SETDB1: variants seen among roughly 807,000 people sequenced by gnomAD.
SETDB1 encodes the protein histone-lysine N-methyltransferase SETDB1.
In SETDB1, 31 loss-of-function variants were observed where a neutral mutation model predicts 137.4. The ratio of observed to expected loss-of-function variants is 0.23; its 90% CI spans 0.17 to 0.30. The LOEUF (loss-of-function observed/expected upper bound fraction) is 0.30, where lower values mean the gene tolerates loss of function less well. Among genes scored for constraint, SETDB1 ranks in the 10% least tolerant of loss-of-function variants. The probability of loss-of-function intolerance (pLI) is 1.00; values close to 1 mark genes in which losing one functional copy is unlikely to be tolerated. For synonymous variants in SETDB1, 548 were observed against 579.9 expected, an observed-to-expected ratio of 0.95 and a Z score of 0.79; for missense variants, 1,113 against 1,631.5, an observed-to-expected ratio of 0.68 and a Z score of 5.47.
chr1:150,943,154 G>A, intron 7 of SETDB1, 101 bp downstream of exon 7: 1 of 784,892 alleles, frequency 1.3e-6, no homozygotes, highest in South Asian at 1.6e-5. Context: ...TGTCTTCTTA[G>A]TCCCCAGTGG....
chr1:150,941,032 G>A (rs907515170), intron 4 of SETDB1, among the ~76,000 whole-genome samples: 7 of 151,130 alleles, frequency 4.6e-5, no homozygotes, highest in African/African-American at 1.7e-4. Flanking sequence ...GCATGGTGGC[G>A]CATGCTTGTA....
chr1:150,958,656 A>C (rs1670729171), intron 14 of SETDB1, among the ~76,000 whole-genome samples: 1 of 152,160 alleles, frequency 6.6e-6, no homozygotes. Flanking sequence ...AACATTAGTC[A>C]CAGTTCCTCC....
rs779428891 is a variant in SETDB1, at chr1:150,963,546, A to G, written c.3477A>G (p.Gln1159=). 6 of 1,613,058 alleles carry G rather than the reference A, an allele frequency of 3.7e-6. No homozygotes were observed. Among genetic ancestry groups the G allele is most frequent in the African/African-American group, 2.7e-5 (2 of 74,912 alleles). ...CCTGTCCAGGTCCAATGAAGCGTCA[A>G]GTGGCAGTAAAATCAACCCGAGGCT... is the stretch of plus-strand genomic sequence containing the variant. ...KKNMTGPMKR[Q]VAVKSTRGFA... Residue 1159 remains glutamine, a synonymous_variant, in exon 20 of 22, where the codon CAA becomes CAG. Transcript: ENST00000692827.
intron 14 of SETDB1, among the ~76,000 whole-genome samples, chr1:150,952,756 G>A (rs998096931): frequency 2.0e-5 from 3 of 151,736 alleles, no homozygotes; most frequent in African/African-American, 4.8e-5. Context: ...GCATGGTGGC[G>A]CATGCCTGTA....
chr1:150,959,377 T>C, intron 15 of SETDB1, 30 bp downstream of exon 15: 3 of 1,561,344 alleles, frequency 1.9e-6, no homozygotes, highest in Non-Finnish European at 2.6e-6. Context: ...GGTTGTTTCC[T>C]GAGACTGGGA....
rs1670433898 is a variant in SETDB1 at position 150,949,456 on chromosome 1, C to G, written c.1514C>G (p.Ser505Cys). The stretch of plus-strand genomic sequence containing the variant: ...CCAGGATCTGTGGGCTCTGGTCATT[C>G]CTCCCCTACATCTCCTGCACTCAGT... ...FRPGSVGSGH[S>C]SPTSPALSEN... Residue 505 changes from serine to cysteine, a missense_variant, in exon 12 of 22, where the codon TCC becomes TGC. Ser to Cys is a moderately radical substitution (Grantham distance 112). Transcript: ENST00000692827. 6.2e-7 allele frequency: 1 copy of G among 1,614,098 alleles called. No homozygotes were observed. The highest frequency in any genetic ancestry group is 8.5e-7 in the Non-Finnish European group (1 of 1,179,974).
chr1:150,961,133 C>T lies in SETDB1; in HGVS notation c.3074C>T (p.Ala1025Val), dbSNP rs767282393. Residue 1025 changes from alanine (A) to valine (V), a missense_variant, in exon 16 of 22, where the codon GCC becomes GTC. Transcript: ENST00000692827. ...GGAAGCCGAATGGAGGCTGAGAAGG[C>T]CTCCACCTCAGGACTAGGCATCAAG... ...AGGSRMEAEK[A>V]STSGLGIKDE... 1.2e-5 allele frequency: 19 copies of T among 1,613,908 alleles called. No homozygotes were observed. The highest frequency in any genetic ancestry group is 1.5e-5 in the Non-Finnish European group (18 of 1,180,002).
intron 3 of SETDB1, among the ~76,000 whole-genome samples, chr1:150,933,929 A>G (rs1282726950): frequency 6.6e-6 from 1 of 151,122 alleles, no homozygotes; most frequent in African/African-American, 2.4e-5. Flanking sequence ...GATTACAGGC[A>G]TGCACCACCA....
intron 17 of SETDB1, 94 bp downstream of exon 17, chr1:150,962,252 T>C: frequency 1.8e-6 from 2 of 1,112,038 alleles, no homozygotes; most frequent in Non-Finnish European, 2.7e-6. Context: ...CATTGCAACC[T>C]CCCCCTCCCA....
chr1:150,961,206 A>G lies in SETDB1; in HGVS notation c.3132+15A>G, dbSNP rs1203051994. ...CCAAGAAAGAGGTAAGCAGTGGCAG[A>G]ACACTCTGAGAGCTATGGCTTTAAC... is the stretch of plus-strand genomic sequence containing the variant. On this transcript the variant is annotated intron_variant, in intron 16 of 21. Transcript: ENST00000692827. 6.2e-7 allele frequency: 1 copy of G among 1,611,198 alleles called. No individual in the cohort carries two copies. Among genetic ancestry groups the G allele is most frequent in the Admixed American group, 1.7e-5 (1 of 59,726 alleles).
At position 150,950,620 on chromosome 1, in the gene SETDB1, C is replaced by T. The variant is rs752420261; in HGVS notation, c.1746C>T (p.Thr582=). ...LFYLPHVCSY[T]CLSRVRPMRN... ...ACTTACCTCATGTCTGCAGCTATAC[C>T]TGTCTGTCTCGAGTCAGACCTATGA... The change falls in exon 13 of 22, where the codon ACC becomes ACT. Residue 582 remains threonine (T), a synonymous_variant. Coordinates refer to ENST00000692827, the MANE Select transcript of SETDB1 (RefSeq NM_001366418.1). The T allele has an allele frequency of 7.4e-6, 12 of 1,614,034 alleles. No homozygotes were observed. The highest frequency in any genetic ancestry group is 1.3e-5 in the African/African-American group (1 of 74,912).
rs1464557626 is a variant in SETDB1, at chr1:150,930,138, T to C, written c.412+20T>C. The C allele has an allele frequency of 1.2e-6, 2 of 1,603,060 alleles. No homozygotes were observed. The highest frequency in any genetic ancestry group is 3.4e-5 in the Admixed American group (2 of 58,770). On this transcript the variant is annotated intron_variant, in intron 3 of 21. Transcript: ENST00000692827. ...ATTCAGGTAAGGGATGAGCTTTGGA[T>C]AGGAGAGTCTCAGGACTGAAGTTGA...
intron 3 of SETDB1, among the ~76,000 whole-genome samples, chr1:150,930,940 A>G (rs1409307693): frequency 6.6e-6 from 1 of 152,082 alleles, no homozygotes; most frequent in African/African-American, 2.4e-5. Flanking sequence ...TGTACTCACT[A>G]AAACCTTCAG....
At position 150,962,963 on chromosome 1, in the gene SETDB1, T is replaced by G; in HGVS notation, c.3295-11T>G. On this transcript the variant is annotated splice_polypyrimidine_tract_variant and intron_variant, in intron 18 of 21. Transcript: ENST00000692827. ...TTACTTCTCTTACTTCTTACCCTCC[T>G]GCTTCCCCAGGATGTCCTGACACTG... 4 of 1,612,126 alleles carry G rather than the reference T, an allele frequency of 2.5e-6. No individual in the cohort carries two copies. The highest frequency in any genetic ancestry group is 3.4e-6 in the Non-Finnish European group (4 of 1,178,578).
intron 21 of SETDB1, 27 bp downstream of exon 21, chr1:150,964,110 G>C: frequency 6.3e-7 from 1 of 1,595,102 alleles, no homozygotes; most frequent in Non-Finnish European, 8.6e-7. Flanking sequence ...GGGGATGACT[G>C]GGGAGGGGCA....
In SETDB1 at chr1:150,964,229, C is replaced by T; in HGVS notation, c.3762-18C>T. On this transcript the variant is annotated intron_variant, in intron 21 of 21. Transcript: ENST00000692827. ...ATCTGCTGTCTTTGCCACACACCAT[C>T]CTTTTCTTCCTCTTCAGAAGAATCC... 1 of 1,606,040 alleles carries T rather than the reference C, an allele frequency of 6.2e-7. No individual in the cohort carries two copies. The highest frequency in any genetic ancestry group is 8.5e-7 in the Non-Finnish European group (1 of 1,172,728).
chr1:150,955,060 G>A (rs879656269), intron 14 of SETDB1, among the ~76,000 whole-genome samples: 1 of 152,186 alleles, frequency 6.6e-6, no homozygotes, highest in African/African-American at 2.4e-5. Flanking sequence ...AGAGGAGATC[G>A]AGACTACTGG....
At chr1:150,962,779 T>A in intron 18 of SETDB1, 60 bp downstream of exon 18, 1 of 1,565,768 alleles carries the variant, frequency 6.4e-7, no homozygotes, top group South Asian at 1.1e-5. Context: ...TGTCACCTCA[T>A]CAAGTCCTTC....
At chr1:150,930,319 T>G (rs1669684739) in intron 3 of SETDB1, 2 of 489,788 alleles carry the variant, frequency 4.1e-6, no homozygotes, top group African/African-American at 1.9e-5. Flanking sequence ...CTGATTGTAT[T>G]ACTTTGCTTT....
Sources: gnomAD v4.1 joint callset for allele counts (sites outside exome capture counted in the v4.1 genomes callset) on GRCh38, gnomAD v4.1.1 for gene constraint, MANE v1.5 for transcripts, NCBI Gene and HGNC (gene_info 2026-07-23, HGNC 2026-07-21) for gene names.